Variants in PCDHGA8 observed in about 807,000 individuals in gnomAD.
The protein encoded by PCDHGA8 is protocadherin gamma subfamily A, 8, also known as protocadherin gamma-A8.
PCDHGA8 carries 45 observed loss-of-function variants against 59.2 expected under a neutral mutation model. That is an observed-to-expected ratio of 0.76 (90% confidence interval 0.60 to 0.98). PCDHGA8 has a LOEUF of 0.98. PCDHGA8 is among the 50% of genes least tolerant of loss of function. The probability of loss-of-function intolerance (pLI) is 0.00; values close to 1 mark genes in which losing one functional copy is unlikely to be tolerated. For synonymous variants in PCDHGA8, 531 were observed against 519.0 expected (o/e 1.02, Z -0.32); for missense variants, 1,257 against 1,196.2 (o/e 1.05, Z -0.75).
intron 1 of PCDHGA8, chr5:141,421,355 G>C (rs1561793348): frequency 6.2e-7 from 1 of 1,613,990 alleles, no homozygotes. Flanking sequence ...ACCGAAAAGG[G>C]CTCCTTCGTG....
At chr5:141,397,279 G>A (rs1208403541) in intron 1 of PCDHGA8, among the ~76,000 whole-genome samples, 1 of 152,168 alleles carries the variant, frequency 6.6e-6, no homozygotes, top group East Asian at 1.9e-4. Context: ...CATATGGGCA[G>A]TATACTTGAA....
chr5:141,494,903 G>A (rs760748707), intron 2 of PCDHGA8, 38 bp downstream of exon 2: 39 of 1,613,894 alleles, frequency 2.4e-5, no homozygotes, highest in Non-Finnish European at 3.1e-5. Context: ...TCTTCTCTGC[G>A]GCATTTTCTC....
At chr5:141,399,380 T>A (rs1361218028) in intron 1 of PCDHGA8, 5 of 1,613,820 alleles carry the variant, frequency 3.1e-6, no homozygotes, top group Non-Finnish European at 4.2e-6. Context: ...AATGTCACCA[T>A]CACAGCCACA....
At chr5:141,403,094 A>G in intron 1 of PCDHGA8, 1 of 1,614,064 alleles carries the variant, frequency 6.2e-7, no homozygotes, top group Non-Finnish European at 8.5e-7. Flanking sequence ...TGTGGGCAAC[A>G]TCTCCAAGGA....
intron 1 of PCDHGA8, among the ~76,000 whole-genome samples, chr5:141,481,259 C>T (rs1176419744): frequency 1.3e-5 from 2 of 152,146 alleles, no homozygotes; most frequent in African/African-American, 4.8e-5. Context: ...TCTAAAAGAT[C>T]ACTGTAGGAA....
Position 141,409,090 on chromosome 5 carries a change from G to C in PCDHGA8, c.2424+13853G>C, listed in dbSNP as rs181368417. 9.9e-5 allele frequency: 159 copies of C among 1,614,024 alleles called. No individual in the cohort carries two copies. The African/African-American group carries it at 1.9e-3, about 19-fold the overall frequency. On this transcript the variant is annotated intron_variant, in intron 1 of 3. Transcript: ENST00000398604. ...CAAAACATATGTTCTCATTGGATGA[G>C]AAAACAGGTATGATTAAGAATAACC...
intron 1 of PCDHGA8, among the ~76,000 whole-genome samples, chr5:141,482,354 G>C (rs1461472845): frequency 6.6e-6 from 1 of 152,096 alleles, no homozygotes; most frequent in Non-Finnish European, 1.5e-5. Context: ...CTTGTTGTGA[G>C]AGTGAAAAGT....
At chr5:141,507,183 C>T (rs2099859036) in intron 3 of PCDHGA8, 1 of 152,428 alleles carries the variant, frequency 6.6e-6, no homozygotes, top group Non-Finnish European at 1.5e-5. Flanking sequence ...TCCTCGAGCT[C>T]TGCTTTATTC....
intron 1 of PCDHGA8, among the ~76,000 whole-genome samples, chr5:141,450,006 C>CTATTTTTTTTTT (rs70988802): frequency 7.5e-6 from 1 of 132,986 alleles, no homozygotes. Context: ...TGCCATGTCT[C>CTATTTTTTTTTT]TTTTTTTTTT....
At position 141,487,763 on chromosome 5, in the gene PCDHGA8, G is replaced by A; in HGVS notation, c.2425-7044G>A. ...AAGAGGTAACTATGTGGTAGACGCT[G>A]TGCTTTGTAACTGTTTCGTGAATTA... On this transcript the variant is annotated intron_variant, in intron 1 of 3. Coordinates refer to ENST00000398604, the MANE Select transcript of PCDHGA8 (RefSeq NM_032088.2). This position sits in a 1 kb window ranked among gnomAD's most constrained non-coding sequence, Gnocchi z 5.0. 6.5e-7 allele frequency: 1 copy of A among 1,544,968 alleles called. No homozygotes were observed. The highest frequency in any genetic ancestry group is 1.2e-5 in the South Asian group (1 of 83,382).
rs1243958567 is a variant in PCDHGA8, at chr5:141,418,557, T to C, written c.2424+23320T>C. 4.3e-6 allele frequency: 7 copies of C among 1,613,860 alleles called. No homozygotes were observed. The East Asian group carries it at 1.6e-4, about 36-fold the overall frequency. On this transcript the variant is annotated intron_variant, in intron 1 of 3. Coordinates refer to ENST00000398604, the MANE Select transcript of PCDHGA8 (RefSeq NM_032088.2). ...ACTGCTCAGATAAGAATCCTGGTAA[T>C]AGATGCCAATGACAACCCCCCAGTG... is the stretch of plus-strand genomic sequence containing the variant.
At chr5:141,495,804 T>G (rs894259635) in intron 2 of PCDHGA8, among the ~76,000 whole-genome samples, 1 of 152,168 alleles carries the variant, frequency 6.6e-6, no homozygotes, top group South Asian at 2.1e-4. Flanking sequence ...TTTCACCGTT[T>G]CCTAGCGCCT....
intron 1 of PCDHGA8, chr5:141,428,211 C>T (rs777952475): frequency 2.2e-5 from 28 of 1,284,198 alleles, no homozygotes; most frequent in South Asian, 4.9e-5. Flanking sequence ...CTACGCTTCA[C>T]CTAGTCTTCG....
rs149920059 is a variant in PCDHGA8 at position 141,409,848 on chromosome 5, G to A, written c.2424+14611G>A. 8,006 of 1,612,024 alleles carry A rather than the reference G, an allele frequency of 5.0e-3. 45 individuals are homozygous for A. The highest frequency in any genetic ancestry group is 9.5e-3 in the Admixed American group (567 of 59,794). On this transcript the variant is annotated intron_variant, in intron 1 of 3. Transcript: ENST00000398604. ...ACGCTCAGCGCCAACGTGAGCCTGC[G>A]CGTGTTGGTGGGAGACCGCAATGAC... is the stretch of plus-strand genomic sequence containing the variant.
At position 141,432,646 on chromosome 5, in the gene PCDHGA8, G is replaced by A. The variant is rs780822589; in HGVS notation, c.2424+37409G>A. 9.3e-6 allele frequency: 15 copies of A among 1,613,690 alleles called. No individual in the cohort carries two copies. The highest frequency in any genetic ancestry group is 1.3e-5 in the Non-Finnish European group (15 of 1,179,944). ...TGCACACGGGCGAGGTGCGCACGGCGCGAGCCCTGCTGGACAGAGACGCGC... is the reference window on the plus strand; with the variant it reads ...TGCACACGGGCGAGGTGCGCACGGCACGAGCCCTGCTGGACAGAGACGCGC... On this transcript the variant is annotated intron_variant, in intron 1 of 3. Transcript: ENST00000398604. This position sits in a 1 kb window ranked among gnomAD's most constrained non-coding sequence, Gnocchi z 6.0.
At chr5:141,433,605 G>A (rs1411907056) in intron 1 of PCDHGA8, among the ~76,000 whole-genome samples, 1 of 152,114 alleles carries the variant, frequency 6.6e-6, no homozygotes, top group South Asian at 2.1e-4. Context: ...GGAGGCCGAG[G>A]CGGGTGGATC....
intron 1 of PCDHGA8, among the ~76,000 whole-genome samples, chr5:141,450,123 T>G (rs565568384): frequency 2.4e-4 from 36 of 150,874 alleles, no homozygotes; most frequent in Non-Finnish European, 4.7e-4. Context: ...TCTCCTGCCT[T>G]AGCCTCCTGA....
chr5:141,408,372 G>A, intron 1 of PCDHGA8: 2 of 1,614,024 alleles, frequency 1.2e-6, no homozygotes, highest in African/African-American at 1.3e-5. Flanking sequence ...CTAGGGCTCA[G>A]TGTCCTGGAT....
intron 1 of PCDHGA8, among the ~76,000 whole-genome samples, chr5:141,460,801 ATATGTATG>A (rs2098998171): frequency 6.6e-6 from 1 of 152,010 alleles, no homozygotes; most frequent in Non-Finnish European, 1.5e-5. Context: ...CAAAGTATAT[ATATGTATG>A]TATACATATA....
Sources: gnomAD v4.1 joint callset for allele counts (sites outside exome capture counted in the v4.1 genomes callset) on GRCh38, gnomAD v4.1.1 for gene constraint, Gnocchi (gnomAD v3.1) non-coding constraint, MANE v1.5 for transcripts, NCBI Gene and HGNC (gene_info 2026-07-23, HGNC 2026-07-21) for gene names.